The following CSNK1G3 variants were observed in gnomAD, a reference collection of about 807,000 sequenced individuals.
CSNK1G3 encodes casein kinase 1 gamma 3.
In CSNK1G3, 23 loss-of-function variants were observed where a neutral mutation model predicts 64.3. The ratio of observed to expected loss-of-function variants is 0.36; its 90% confidence interval spans 0.26 to 0.51. The LOEUF (loss-of-function observed/expected upper bound fraction) is 0.51. Ranked by LOEUF, CSNK1G3 falls within the 20% of genes least tolerant of loss-of-function variation. The pLI, the probability that CSNK1G3 is intolerant of heterozygous loss-of-function variation, is 0.96. For missense variants in CSNK1G3, 357 were observed against 510.5 expected, an observed-to-expected ratio of 0.70 and a Z score of 2.90; for synonymous variants, 158 against 162.2, an observed-to-expected ratio of 0.97 and a Z score of 0.20.
At chr5:123,590,707 C>T (rs574910464) in intron 9 of CSNK1G3, 149 bp downstream of exon 9, 30 of 454,762 alleles carry the variant, frequency 6.6e-5, no homozygotes, top group Admixed American at 1.6e-4. Flanking sequence ...CAGGTAGTGC[C>T]GTACTAGTGT....
rs962166768 is a variant in CSNK1G3 at position 123,566,843 on chromosome 5, TA to T, written c.290-6540del. Reference sequence around the variant, plus strand: ...TTCGTAATAAAAATTAGGAAAAGTTTAAAAAAAAAAGTGAAGGTAGAAATCA... The same window carrying T: ...TTCGTAATAAAAATTAGGAAAAGTTTAAAAAAAAAGTGAAGGTAGAAATCA... On this transcript the variant is annotated intron_variant, in intron 4 of 12. Transcript: ENST00000345990. Among the ~76,000 whole-genome samples the T allele has an allele frequency of 1.1e-4, 17 of 149,604 alleles. No homozygotes were observed. The East Asian group carries it at 2.1e-3, about 19-fold the overall frequency.
intron 12 of CSNK1G3, 54 bp from the exon 14 acceptor site, chr5:123,614,288 C>A: frequency 1.3e-6 from 2 of 1,553,074 alleles, no homozygotes; most frequent in South Asian, 2.3e-5. Flanking sequence ...ATACAGTCAA[C>A]TTTGTGATAT....
chr5:123,614,418 G>A, exon 13 of CSNK1G3: 1 of 1,601,528 alleles, frequency 6.2e-7, no homozygotes, highest in Non-Finnish European at 8.5e-7. Flanking sequence ...GACAGATCCT[G>A]GGGAGTTACT....
intron 1 of CSNK1G3, among the ~76,000 whole-genome samples, chr5:123,541,753 TAA>T (rs1781715500): frequency 6.6e-6 from 1 of 152,192 alleles, no homozygotes; most frequent in South Asian, 2.1e-4. Flanking sequence ...TAGTTTCTTG[TAA>T]ACAGTTTGTA....
intron 4 of CSNK1G3, among the ~76,000 whole-genome samples, chr5:123,560,493 A>G (rs1182717238): frequency 6.6e-6 from 1 of 152,214 alleles, no homozygotes; most frequent in Admixed American, 6.5e-5. Context: ...AGAAAAATGG[A>G]TAAAATGTGG....
At chr5:123,528,582 T>C (rs920099009) in intron 1 of CSNK1G3, among the ~76,000 whole-genome samples, 26 of 152,110 alleles carry the variant, frequency 1.7e-4, no homozygotes, top group Non-Finnish European at 3.4e-4. Context: ...TAGTGAGGTG[T>C]AGAGGTTTGA....
intron 6 of CSNK1G3, among the ~76,000 whole-genome samples, chr5:123,587,601 C>T (rs914686171): frequency 6.6e-6 from 1 of 152,126 alleles, no homozygotes. Flanking sequence ...ACTCCATAAT[C>T]GTGTTTAATT....
At chr5:123,604,806 A>T (rs1304453289) in exon 11 of CSNK1G3, 1 of 1,610,146 alleles carries the variant, frequency 6.2e-7, no homozygotes, top group Admixed American at 1.7e-5. Context: ...GCCCCTACTG[A>T]AGTAGAAGTG....
At chr5:123,596,735 A>T (rs975546444) in intron 10 of CSNK1G3, among the ~76,000 whole-genome samples, 5 of 152,140 alleles carry the variant, frequency 3.3e-5, no homozygotes, top group Admixed American at 6.5e-5. Flanking sequence ...TCATCCTAAT[A>T]TTCAATAAGT....
rs201264937 is a variant in CSNK1G3 at position 123,573,579 on chromosome 5, T to TAG, written c.438+39_438+40insGA. On this transcript the variant is annotated intron_variant, in intron 5 of 12. Transcript: ENST00000345990. ...AGGTATTTGAAGTTGTTTGAACAAT[T>TAG]ACATGGTTGTTGGTCACAAATTCAT... The TAG allele has an allele frequency of 1.2e-3, 1,893 of 1,527,076 alleles. 17 individuals are homozygous for TAG. In the African/African-American group the frequency reaches 0.024, roughly 19 times the overall value. 94.6% of individuals were successfully genotyped at this position (1,527,076 alleles called of 1,614,324 possible). A position where few individuals can be genotyped will look rare whatever the true frequency, so the allele number is the denominator to read the frequency against.
At chr5:123,543,936 G>A (rs1782102425) in intron 1 of CSNK1G3, among the ~76,000 whole-genome samples, 1 of 152,046 alleles carries the variant, frequency 6.6e-6, no homozygotes, top group Admixed American at 6.6e-5. Context: ...ATCCTAATTA[G>A]GGAAAAGGAG....
At chr5:123,540,121 T>G (rs1272116371) in intron 1 of CSNK1G3, among the ~76,000 whole-genome samples, 5 of 152,288 alleles carry the variant, frequency 3.3e-5, no homozygotes, top group African/African-American at 9.6e-5. Flanking sequence ...TCTGTTTTGT[T>G]GATTTTCCTC....
At chr5:123,555,041 C>G (rs1784380674) in intron 3 of CSNK1G3, among the ~76,000 whole-genome samples, 1 of 152,168 alleles carries the variant, frequency 6.6e-6, no homozygotes, top group Admixed American at 6.6e-5. Flanking sequence ...ACATATATCA[C>G]TTTTTTAAGT....
intron 3 of CSNK1G3, among the ~76,000 whole-genome samples, chr5:123,555,266 T>A (rs1784420164): frequency 6.6e-6 from 1 of 152,232 alleles, no homozygotes; most frequent in African/African-American, 2.4e-5. Flanking sequence ...TCTAGTCACG[T>A]TCACCTCAAG....
chr5:123,514,477 G>A (rs955127994), intron 1 of CSNK1G3, among the ~76,000 whole-genome samples: 12 of 152,218 alleles, frequency 7.9e-5, no homozygotes, highest in African/African-American at 2.9e-4. Context: ...GGCAAGGATG[G>A]AACAGTGGGT....
chr5:123,579,550 C>A (rs1005736046), intron 6 of CSNK1G3, among the ~76,000 whole-genome samples: 2 of 151,870 alleles, frequency 1.3e-5, no homozygotes, highest in Non-Finnish European at 2.9e-5. Flanking sequence ...TTTATAACAA[C>A]TAACAAAGGT....
chr5:123,543,507 C>T (rs891174879), intron 1 of CSNK1G3, among the ~76,000 whole-genome samples: 7 of 152,018 alleles, frequency 4.6e-5, no homozygotes, highest in African/African-American at 1.2e-4. Flanking sequence ...ACCACCTTAC[C>T]GCACCACTCC....
At chr5:123,570,848 G>A (rs1482232042) in intron 4 of CSNK1G3, among the ~76,000 whole-genome samples, 1 of 152,190 alleles carries the variant, frequency 6.6e-6, no homozygotes, top group African/African-American at 2.4e-5. Context: ...GGGGGAAAAA[G>A]CATTATGGAA....
intron 6 of CSNK1G3, among the ~76,000 whole-genome samples, chr5:123,583,359 G>GTTTT (rs10611933): frequency 9.0e-6 from 1 of 111,310 alleles, no homozygotes. Context: ...TAGAAATCCA[G>GTTTT]TTTTTTTTTT....
Sources: gnomAD v4.1 joint callset for allele counts (sites outside exome capture counted in the v4.1 genomes callset) on GRCh38, gnomAD v4.1.1 for gene constraint, MANE v1.5 for transcripts, NCBI Gene and HGNC (gene_info 2026-07-23, HGNC 2026-07-21) for gene names.